Variants in PTPRD observed in about 807,000 individuals in gnomAD.
The protein encoded by PTPRD is protein tyrosine phosphatase receptor type D, also known as receptor-type tyrosine-protein phosphatase delta.
In PTPRD, 34 loss-of-function variants were observed where a neutral mutation model predicts 214.5. The observed-to-expected ratio is 0.16, with a 90% CI of 0.12 to 0.21. The LOEUF (loss-of-function observed/expected upper bound fraction) is 0.21. Ranked by LOEUF, PTPRD falls within the 10% of genes least tolerant of loss-of-function variation. PTPRD has a pLI of 1.00. For synonymous variants in PTPRD, 1,128 were observed against 845.7 expected, an observed-to-expected ratio of 1.33 and a Z score of -5.79; for missense variants, 2,545 against 2,398.7, an observed-to-expected ratio of 1.06 and a Z score of -1.27.
chr9:9,611,820 C>A (rs1033322081), intron 7 of PTPRD, among the ~76,000 whole-genome samples: 10 of 152,010 alleles, frequency 6.6e-5, no homozygotes, highest in African/African-American at 2.2e-4. Context: ...TTATGTTACA[C>A]ATAAAAATGT....
chr9:8,702,538 GAT>G (rs1487484420), intron 12 of PTPRD, among the ~76,000 whole-genome samples: 1 of 152,172 alleles, frequency 6.6e-6, no homozygotes, highest in Non-Finnish European at 1.5e-5. Flanking sequence ...GGAGTTTTTT[GAT>G]AGACATCTGT....
intron 11 of PTPRD, among the ~76,000 whole-genome samples, chr9:8,981,963 A>T: frequency 6.6e-6 from 1 of 152,080 alleles, no homozygotes; most frequent in East Asian, 1.9e-4. Context: ...TAATCTCGCC[A>T]GAGCAAAAGG....
intron 35 of PTPRD, among the ~76,000 whole-genome samples, chr9:8,422,666 T>C (rs2094441822): frequency 6.6e-6 from 1 of 152,184 alleles, no homozygotes; most frequent in Non-Finnish European, 1.5e-5. Context: ...TATGAAGGAT[T>C]TTTTAAAGAT....
chr9:9,964,086 A>AGAGACGGAGGCC (rs2094531132), intron 4 of PTPRD, among the ~76,000 whole-genome samples: 1 of 152,112 alleles, frequency 6.6e-6, no homozygotes, highest in African/African-American at 2.4e-5. Flanking sequence ...AGACGGAGGC[A>AGAGACGGAGGCC]GAGACAGACA....
intron 11 of PTPRD, among the ~76,000 whole-genome samples, chr9:8,990,360 T>G (rs1463280547): frequency 6.6e-6 from 1 of 152,178 alleles, no homozygotes; most frequent in Non-Finnish European, 1.5e-5. Flanking sequence ...GTTTACAGAA[T>G]ATGTGCATCT....
At chr9:10,166,169 T>C (rs888128243) in intron 3 of PTPRD, among the ~76,000 whole-genome samples, 14 of 149,280 alleles carry the variant, frequency 9.4e-5, no homozygotes, top group Non-Finnish European at 1.9e-4. Flanking sequence ...TATACATCTC[T>C]AATAGAGAAG....
chr9:9,667,726 C>A (rs761481290), intron 7 of PTPRD, among the ~76,000 whole-genome samples: 7 of 152,106 alleles, frequency 4.6e-5, no homozygotes, highest in Admixed American at 2.0e-4. Flanking sequence ...CAAGCATTAG[C>A]GTACCTCTGA....
At chr9:9,047,505 C>T (rs998355373) in intron 10 of PTPRD, among the ~76,000 whole-genome samples, 3 of 152,062 alleles carry the variant, frequency 2.0e-5, no homozygotes, top group African/African-American at 7.2e-5. Flanking sequence ...TCAGACTATA[C>T]TACAGAGCTA....
intron 4 of PTPRD, among the ~76,000 whole-genome samples, chr9:9,993,818 C>G (rs892083958): frequency 4.6e-5 from 7 of 152,126 alleles, no homozygotes; most frequent in African/African-American, 1.7e-4. Flanking sequence ...AAAACAGAAT[C>G]TGCTTTTCTC....
intron 3 of PTPRD, among the ~76,000 whole-genome samples, chr9:10,173,489 T>A (rs1220263875): frequency 6.6e-6 from 1 of 152,134 alleles, no homozygotes; most frequent in African/African-American, 2.4e-5. Flanking sequence ...ACTGAAGTCA[T>A]TCATGTTCCA....
At chr9:10,444,322 G>T (rs1763248145) in intron 2 of PTPRD, among the ~76,000 whole-genome samples, 1 of 151,874 alleles carries the variant, frequency 6.6e-6, no homozygotes, top group Non-Finnish European at 1.5e-5. Context: ...GATATTTAAT[G>T]ACTCACAAAG....
chr9:8,349,900 A>C (rs1449840938), intron 39 of PTPRD, among the ~76,000 whole-genome samples: 1 of 151,168 alleles, frequency 6.6e-6, no homozygotes, highest in Non-Finnish European at 1.5e-5. Flanking sequence ...GTTTGACTTC[A>C]GCAGCAAACC....
intron 8 of PTPRD, among the ~76,000 whole-genome samples, chr9:9,449,401 C>A (rs753070916): frequency 1.1e-5 from 1 of 93,998 alleles, no homozygotes. Context: ...GTGAGAAATT[C>A]AAATTGCTAT....
chr9:9,869,298 A>T (rs1011201150), intron 5 of PTPRD, among the ~76,000 whole-genome samples: 3 of 152,180 alleles, frequency 2.0e-5, no homozygotes, highest in African/African-American at 7.2e-5. Context: ...GAAATGTTGC[A>T]TTTAGAAAAT....
At chr9:9,933,767 G>T (rs2087870664) in intron 5 of PTPRD, among the ~76,000 whole-genome samples, 1 of 148,832 alleles carries the variant, frequency 6.7e-6, no homozygotes, top group African/African-American at 2.6e-5. Context: ...CAAATCAACA[G>T]AATATACATT....
chr9:8,789,154 T>C (rs1252621030), intron 11 of PTPRD, among the ~76,000 whole-genome samples: 5 of 152,084 alleles, frequency 3.3e-5, no homozygotes, highest in Non-Finnish European at 7.4e-5. Flanking sequence ...TGGGCTCAAT[T>C]AGAGTATGAG....
intron 3 of PTPRD, among the ~76,000 whole-genome samples, chr9:10,246,379 G>A (rs2092106011): frequency 6.6e-6 from 1 of 152,100 alleles, no homozygotes; most frequent in Admixed American, 6.6e-5. Flanking sequence ...AAGTAGGTGG[G>A]ATTACAGGTG....
intron 9 of PTPRD, among the ~76,000 whole-genome samples, chr9:9,229,567 G>A (rs1407731821): frequency 6.6e-6 from 1 of 152,052 alleles, no homozygotes; most frequent in African/African-American, 2.4e-5. Context: ...GAAAACTTAT[G>A]GCTCCTTTGA....
At chr9:9,136,705 G>C (rs897878914) in intron 10 of PTPRD, among the ~76,000 whole-genome samples, 3 of 152,136 alleles carry the variant, frequency 2.0e-5, no homozygotes, top group Non-Finnish European at 2.9e-5. Flanking sequence ...CAGTTTATCT[G>C]TATGTATTTG....
Sources: allele counts gnomAD v4.1 joint callset (sites outside exome capture counted in the v4.1 genomes callset), GRCh38; gene constraint gnomAD v4.1.1; transcripts MANE v1.5; gene names NCBI Gene and HGNC (gene_info 2026-07-23, HGNC 2026-07-21).